CC2D2A: variants seen among roughly 807,000 people sequenced by gnomAD.
CC2D2A encodes coiled-coil and C2 domain containing 2A.
CC2D2A carries 155 observed loss-of-function variants against 212.9 expected under a neutral mutation model. The observed-to-expected ratio is 0.73, with a 90% CI of 0.64 to 0.83. The LOEUF (loss-of-function observed/expected upper bound fraction) is 0.83, where lower values mean the gene tolerates loss of function less well. CC2D2A is among the 40% of genes least tolerant of loss of function. The probability of loss-of-function intolerance (pLI) is 0.00; values close to 1 mark genes in which losing one functional copy is unlikely to be tolerated. For missense variants in CC2D2A, 1,856 were observed against 1,956.2 expected, an observed-to-expected ratio of 0.95 and a Z score of 0.97; for synonymous variants, 667 against 686.5, an observed-to-expected ratio of 0.97 and a Z score of 0.44.
At position 15,480,928 on chromosome 4, in the gene CC2D2A, A is replaced by C. The variant is rs950724444; in HGVS notation, c.247+101A>C. On this transcript the variant is annotated intron_variant, in intron 4 of 36. Coordinates refer to ENST00000424120, the MANE Select transcript of CC2D2A (RefSeq NM_001378615.1). ...TTTTTATGGGTGTTATTTTTCATGC[A>C]TTGCCACTGCTGCTCCACCCACTTT... 8.6e-6 allele frequency: 12 copies of C among 1,387,316 alleles called. No individual in the cohort carries two copies. In the Admixed American group the frequency reaches 3.0e-4, roughly 35 times the overall value. 85.9% of individuals were successfully genotyped at this position (1,387,316 alleles called of 1,614,324 possible).
chr4:15,584,044 G>A (rs1295532156), intron 30 of CC2D2A, among the ~76,000 whole-genome samples: 1 of 151,704 alleles, frequency 6.6e-6, no homozygotes, highest in Non-Finnish European at 1.5e-5. Flanking sequence ...CTGTGTTCAT[G>A]GATTGGAAGA....
chr4:15,530,014 C>T (rs1717748937), intron 13 of CC2D2A, among the ~76,000 whole-genome samples: 1 of 151,410 alleles, frequency 6.6e-6, no homozygotes, highest in South Asian at 2.1e-4. Flanking sequence ...CTCTGTCGCC[C>T]AGGCTGGAGT....
intron 1 of CC2D2A, among the ~76,000 whole-genome samples, chr4:15,473,572 T>C (rs1436812227): frequency 6.6e-6 from 1 of 152,160 alleles, no homozygotes; most frequent in Non-Finnish European, 1.5e-5. Context: ...CAAAGGGAAA[T>C]CATTGGAGGA....
intron 11 of CC2D2A, among the ~76,000 whole-genome samples, chr4:15,520,167 T>G (rs1039664093): frequency 4.6e-5 from 7 of 152,166 alleles, no homozygotes; most frequent in Non-Finnish European, 1.0e-4. Context: ...CATTTTCTCT[T>G]CCTCATAGGG....
intron 30 of CC2D2A, among the ~76,000 whole-genome samples, chr4:15,581,946 AAATC>A (rs1720681524): frequency 6.6e-6 from 1 of 152,246 alleles, no homozygotes; most frequent in African/African-American, 2.4e-5. Context: ...ATGAAGAAGT[AAATC>A]ACCATAAAGA....
At chr4:15,536,198 T>C (rs1718120180) in intron 14 of CC2D2A, among the ~76,000 whole-genome samples, 1 of 151,586 alleles carries the variant, frequency 6.6e-6, no homozygotes, top group East Asian at 1.9e-4. Flanking sequence ...CTCAGCAAAC[T>C]ATCACAAGGA....
In CC2D2A at chr4:15,601,150, C is replaced by CTAA. The variant is rs80080596; in HGVS notation, c.4675-86_4675-85insAAT. 2.9e-4 allele frequency: 295 copies of CTAA among 1,008,946 alleles called. 2 individuals carry two copies. The African/African-American group carries it at 3.9e-3, about 13-fold the overall frequency. 62.5% of individuals were successfully genotyped at this position (1,008,946 alleles called of 1,614,324 possible). ...AAGCAAATAACTGAGATCCAGAACACTTATCTTAATTGCATACATTTACGT... is the reference window on the plus strand; with the variant it reads ...AAGCAAATAACTGAGATCCAGAACACTAATTATCTTAATTGCATACATTTACGT... On this transcript the variant is annotated intron_variant, in intron 36 of 36. Coordinates refer to ENST00000424120, the MANE Select transcript of CC2D2A (RefSeq NM_001378615.1).
chr4:15,569,735 T>A (rs1340996879), intron 27 of CC2D2A, among the ~76,000 whole-genome samples: 1 of 152,254 alleles, frequency 6.6e-6, no homozygotes. Flanking sequence ...GGATTCGTTT[T>A]CTAAATTACT....
At chr4:15,561,127 A>G (rs933830572) in intron 23 of CC2D2A, among the ~76,000 whole-genome samples, 1 of 152,150 alleles carries the variant, frequency 6.6e-6, no homozygotes, top group East Asian at 1.9e-4. Flanking sequence ...AACAGCAGGA[A>G]AGATTTGATA....
intron 29 of CC2D2A, 123 bp from the exon 30 acceptor site, chr4:15,579,845 G>C (rs780316654): frequency 2.4e-4 from 176 of 738,380 alleles, no homozygotes; most frequent in Admixed American, 6.8e-4. Context: ...GGACATGACA[G>C]CTTTGTAAGG....
At chr4:15,546,023 T>C (rs186627621) in intron 17 of CC2D2A, among the ~76,000 whole-genome samples, 33 of 151,970 alleles carry the variant, frequency 2.2e-4, no homozygotes, top group Admixed American at 1.1e-3. Flanking sequence ...GGCAAGAGGA[T>C]TGCTTAAGCC....
Position 15,548,121 on chromosome 4 carries a change from A to ATT in CC2D2A, c.2182-2691_2182-2690dup, listed in dbSNP as rs145117895. The stretch of plus-strand genomic sequence containing the variant: ...GAAATAAAGATTGGGGAAATTCTGG[A>ATT]TTTTTTTTTTTTTGGCTTTGTCAGA... On this transcript the variant is annotated intron_variant, in intron 17 of 36. Coordinates refer to ENST00000424120, the MANE Select transcript of CC2D2A (RefSeq NM_001378615.1). Among the ~76,000 whole-genome samples the ATT allele has an allele frequency of 8.8e-4, 129 of 146,374 alleles. 1 individual carries two copies. Among genetic ancestry groups the ATT allele is most frequent in the South Asian group, 5.4e-3 (25 of 4,664 alleles).
chr4:15,567,740 G>A lies in CC2D2A; in HGVS notation c.3352G>A (p.Glu1118Lys), dbSNP rs199759274. The change falls in exon 26 of 37, where the codon GAA becomes AAA. Residue 1118 changes from glutamate (E) to lysine (K), a missense_variant. Around this residue, in one of 5 missense-constraint regions of CC2D2A, gnomAD observed 1,512 missense variants for 1,579.3 expected, o/e 0.96. Coordinates refer to ENST00000424120, the MANE Select transcript of CC2D2A (RefSeq NM_001378615.1). ...AACAGTTTGCCATACGACTACGGCT[G>A]AAGGACCAAACCCTAGCTGGAATGA... ...QRTVCHTTTA[E>K]GPNPSWNEEL... The A allele has an allele frequency of 7.5e-6, 12 of 1,605,200 alleles. No individual in the cohort carries two copies. In the East Asian group the frequency reaches 1.8e-4, roughly 24 times the overall value.
chr4:15,498,160 T>C (rs1297205747), intron 4 of CC2D2A, among the ~76,000 whole-genome samples: 1 of 152,222 alleles, frequency 6.6e-6, no homozygotes, highest in Non-Finnish European at 1.5e-5. Context: ...ACAAGGCTCA[T>C]GTAGCCTTGG....
At chr4:15,527,814 A>C (rs1200382584) in intron 12 of CC2D2A, among the ~76,000 whole-genome samples, 158 bp downstream of exon 12, 1 of 152,208 alleles carries the variant, frequency 6.6e-6, no homozygotes, top group Non-Finnish European at 1.5e-5. Flanking sequence ...GACAAAAGGG[A>C]AAGATAGAGT....
In CC2D2A at chr4:15,601,412, T is replaced by C. The variant is rs371868705; in HGVS notation, c.4850T>C (p.Ile1617Thr). ...LSVWIYVASLIRNR is the reference protein window; with the variant it reads ...LSVWIYVASLTRNR ...GTTTGGATCTATGTTGCCTCTCTTA[T>C]ACGCAACAGGTAATTTTTTTCACTG... The change falls in exon 37 of 37, where the codon ATA becomes ACA. Residue 1617 changes from isoleucine (I) to threonine (T), a missense_variant. Around this residue, in one of 5 missense-constraint regions of CC2D2A, gnomAD observed 285 missense variants for 278.4 expected, o/e 1.02. Transcript: ENST00000424120. The C allele has an allele frequency of 5.3e-5, 79 of 1,490,134 alleles. 1 individual carries two copies. The East Asian group carries it at 1.7e-3, about 32-fold the overall frequency. The allele number at this position is 1,490,134 out of a possible 1,614,324, so 92.3% of individuals were successfully genotyped here.
At chr4:15,560,784 GT>G (rs1431988562) in intron 23 of CC2D2A, among the ~76,000 whole-genome samples, 162 bp downstream of exon 23, 2 of 152,200 alleles carry the variant, frequency 1.3e-5, no homozygotes, top group African/African-American at 4.8e-5. Context: ...GATGACATTA[GT>G]TGAGGGATTT....
chr4:15,480,819 G>A lies in CC2D2A; in HGVS notation c.239G>A (p.Gly80Asp). 1 of 1,611,986 alleles carries A rather than the reference G, an allele frequency of 6.2e-7. No individual in the cohort carries two copies. Residue 80 changes from glycine to aspartate, a missense_variant, in exon 4 of 37, where the codon GGC (glycine) becomes GAC (aspartate). Transcript: ENST00000424120. ...TRLLSMTVRR[G>D]PRSLPPIPST... is the part of the protein sequence containing the mutation. ...CTCCTGAGTATGACAGTCCGGAGAG[G>A]CCCACGGAGTAAGTGCCCCTCTTCC...
intron 29 of CC2D2A, among the ~76,000 whole-genome samples, chr4:15,574,572 T>G (rs1720314172): frequency 1.3e-5 from 2 of 152,346 alleles, no homozygotes; most frequent in South Asian, 4.1e-4. Flanking sequence ...TGCCTAAAAC[T>G]TAAGACTTTT....
Sources: allele counts gnomAD v4.1 joint callset (sites outside exome capture counted in the v4.1 genomes callset), GRCh38; gene constraint gnomAD v4.1.1; regional missense constraint gnomAD v4.1.1; transcripts MANE v1.5; gene names NCBI Gene and HGNC (gene_info 2026-07-23, HGNC 2026-07-21).